SLC4A4: variants seen among roughly 807,000 people sequenced by gnomAD.
SLC4A4 encodes the protein solute carrier family 4 member 4, also known as electrogenic sodium bicarbonate cotransporter 1.
A neutral mutation model predicts 111.5 loss-of-function variants in SLC4A4; 27 were observed. That is an observed-to-expected ratio of 0.24 (90% confidence interval 0.18 to 0.33). The LOEUF (loss-of-function observed/expected upper bound fraction) is 0.33, where lower values mean the gene tolerates loss of function less well. SLC4A4 is among the 10% of genes least tolerant of loss of function. SLC4A4 has a pLI of 1.00. For synonymous variants in SLC4A4, 443 were observed against 463.4 expected (o/e 0.96, Z 0.57); for missense variants, 909 against 1,315.5 (o/e 0.69, Z 4.78).
chr4:71,393,469 A>T (rs892309286), intron 6 of SLC4A4, among the ~76,000 whole-genome samples: 3 of 152,202 alleles, frequency 2.0e-5, no homozygotes, highest in African/African-American at 7.2e-5. Context: ...GAGGCGAAAG[A>T]CATCAACAAG....
chr4:71,219,697 A>G (rs911003225), intron 1 of SLC4A4, among the ~76,000 whole-genome samples: 2 of 152,238 alleles, frequency 1.3e-5, no homozygotes, highest in Admixed American at 1.3e-4. Flanking sequence ...AGATGCCATT[A>G]AAAACATTTA....
chr4:71,476,145 C>T (rs1052098409), intron 14 of SLC4A4, among the ~76,000 whole-genome samples: 1 of 151,650 alleles, frequency 6.6e-6, no homozygotes, highest in African/African-American at 2.4e-5. Flanking sequence ...TTTAACAAAA[C>T]CCCATAAGAT....
chr4:71,417,614 T>C (rs956902914), intron 7 of SLC4A4, among the ~76,000 whole-genome samples: 3 of 152,226 alleles, frequency 2.0e-5, no homozygotes, highest in Non-Finnish European at 4.4e-5. Flanking sequence ...TAAAGTGCTG[T>C]TGTCTTTATT....
chr4:71,241,429 G>A (rs1180972223), intron 2 of SLC4A4, among the ~76,000 whole-genome samples: 1 of 152,026 alleles, frequency 6.6e-6, no homozygotes, highest in Non-Finnish European at 1.5e-5. Context: ...ATGAAATCAT[G>A]ACTTAAACCT....
chr4:71,159,120 T>C (rs1744553953), intron 2 of SLC4A4, among the ~76,000 whole-genome samples: 1 of 152,248 alleles, frequency 6.6e-6, no homozygotes, highest in Admixed American at 6.5e-5. Flanking sequence ...TGTGTATAGC[T>C]ACATATCTAT....
chr4:71,567,923 G>T lies in SLC4A4; in HGVS notation c.*172G>T. 8.4e-7 allele frequency: 1 copy of T among 1,192,256 alleles called. No individual in the cohort carries two copies. The allele number at this position is 1,192,256 out of a possible 1,614,324, so 73.9% of individuals were successfully genotyped here. A position where few individuals can be genotyped will look rare whatever the true frequency, so the allele number is the denominator to read the frequency against. Reference sequence around the variant, plus strand: ...TTTGTCTTTCTTAAAACTGACATTTGTTGTTAATGTCATTTGTTTTTGTTT... The same window carrying T: ...TTTGTCTTTCTTAAAACTGACATTTTTTGTTAATGTCATTTGTTTTTGTTT... On this transcript the variant is annotated 3_prime_UTR_variant, in exon 26 of 26. Transcript: ENST00000264485.
In SLC4A4 at chr4:71,230,327, G is replaced by T. The variant is rs147979283; in HGVS notation, c.-1-6249G>T. The stretch of plus-strand genomic sequence containing the variant: ...TCTGAGACTGCAGTCCTCAAGTAAA[G>T]GCCCTTGTATACACTTAGTTTTCAT... On this transcript the variant is annotated intron_variant, in intron 1 of 25. Coordinates refer to ENST00000264485, the MANE Select transcript of SLC4A4 (RefSeq NM_001098484.3). Among the ~76,000 whole-genome samples the T allele has an allele frequency of 1.6e-3, 249 of 152,274 alleles. 1 individual carries two copies. The highest frequency in any genetic ancestry group is 5.8e-3 in the African/African-American group (243 of 41,566).
At chr4:71,474,296 A>G (rs1728154508) in intron 14 of SLC4A4, among the ~76,000 whole-genome samples, 1 of 151,890 alleles carries the variant, frequency 6.6e-6, no homozygotes, top group Admixed American at 6.6e-5. Flanking sequence ...AGCAGTGTTC[A>G]AAGGGCTGGG....
chr4:71,102,614 T>G (rs1387247466), intron 2 of SLC4A4, among the ~76,000 whole-genome samples: 1 of 151,842 alleles, frequency 6.6e-6, no homozygotes, highest in Non-Finnish European at 1.5e-5. Context: ...GGGGCCAATA[T>G]TCAACATTCT....
chr4:71,173,109 C>T (rs1284092218), intron 2 of SLC4A4, among the ~76,000 whole-genome samples: 1 of 152,158 alleles, frequency 6.6e-6, no homozygotes, highest in Admixed American at 6.5e-5. Context: ...AAAGCACATA[C>T]CTGTGACAGA....
chr4:71,399,397 C>G (rs922205864), intron 7 of SLC4A4, among the ~76,000 whole-genome samples: 2 of 151,618 alleles, frequency 1.3e-5, no homozygotes, highest in African/African-American at 4.8e-5. Context: ...CTAGAAAGTA[C>G]GGGAAGGGTG....
At chr4:71,221,570 A>G (rs1228360960) in intron 1 of SLC4A4, among the ~76,000 whole-genome samples, 1 of 152,204 alleles carries the variant, frequency 6.6e-6, no homozygotes, top group Non-Finnish European at 1.5e-5. Context: ...AACACCAACA[A>G]TAAGCTCTAT....
chr4:71,288,634 G>A (rs899267717), intron 3 of SLC4A4, among the ~76,000 whole-genome samples: 1 of 151,968 alleles, frequency 6.6e-6, no homozygotes, highest in African/African-American at 2.4e-5. Flanking sequence ...CCTGACCTCA[G>A]GTGATCCACC....
In SLC4A4 at chr4:71,337,327, A is replaced by G. The variant is rs557463586; in HGVS notation, c.254-2043A>G. ...ATTCCTAGCTTTATTTTATAGAAAT[A>G]TATATTTCTTGTTTCTTTACTAAAA... On this transcript the variant is annotated intron_variant, in intron 3 of 25. Coordinates refer to ENST00000264485, the MANE Select transcript of SLC4A4 (RefSeq NM_001098484.3). Among the ~76,000 whole-genome samples, 54 of 152,274 alleles carry G rather than the reference A, an allele frequency of 3.5e-4. No homozygotes were observed. In the South Asian group the frequency reaches 0.011, roughly 30 times the overall value.
At chr4:71,361,574 A>T (rs958555183) in intron 6 of SLC4A4, among the ~76,000 whole-genome samples, 2 of 152,174 alleles carry the variant, frequency 1.3e-5, no homozygotes, top group African/African-American at 2.4e-5. Flanking sequence ...GAAATTAATG[A>T]GGTTTTAGGT....
intron 3 of SLC4A4, among the ~76,000 whole-genome samples, chr4:71,303,374 T>G (rs1023740722): frequency 4.6e-5 from 7 of 152,256 alleles, no homozygotes; most frequent in Non-Finnish European, 1.0e-4. Context: ...CTATTAGCAT[T>G]TCACACATAT....
At chr4:71,194,044 A>G (rs2148996989) in intron 1 of SLC4A4, among the ~76,000 whole-genome samples, 1 of 152,340 alleles carries the variant, frequency 6.6e-6, no homozygotes, top group African/African-American at 2.4e-5. Flanking sequence ...CTTGTCCTCA[A>G]TGCTTTACAT....
chr4:71,252,528 T>C (rs957255863), intron 2 of SLC4A4, among the ~76,000 whole-genome samples: 4 of 152,158 alleles, frequency 2.6e-5, no homozygotes, highest in Admixed American at 6.6e-5. Context: ...AGGAGGAGGA[T>C]GCTTTAAGTT....
At chr4:71,448,319 CAAAAAA>C (rs5859260) in intron 9 of SLC4A4, among the ~76,000 whole-genome samples, 2 of 89,634 alleles carry the variant, frequency 2.2e-5, no homozygotes, top group African/African-American at 7.9e-5. Context: ...GATTCCATCT[CAAAAAA>C]AAAAAAAAAA....
Sources: gnomAD v4.1 joint callset for allele counts (sites outside exome capture counted in the v4.1 genomes callset) on GRCh38, gnomAD v4.1.1 for gene constraint, MANE v1.5 for transcripts, NCBI Gene and HGNC (gene_info 2026-07-23, HGNC 2026-07-21) for gene names.